Variants in TRIM33 observed in about 807,000 individuals in gnomAD.
TRIM33 encodes the protein E3 ubiquitin-protein ligase TRIM33.
In TRIM33, 20 loss-of-function variants were observed where a neutral mutation model predicts 125.4. That is an observed-to-expected ratio of 0.16 (90% confidence interval 0.11 to 0.23). The LOEUF is 0.23. Among genes scored for constraint, TRIM33 ranks in the 10% least tolerant of loss-of-function variants. The pLI is 1.00. For missense variants in TRIM33, 920 were observed against 1,411.4 expected (o/e 0.65, Z 5.58); for synonymous variants, 564 against 513.9 (o/e 1.10, Z -1.32).
At chr1:114,493,482 AC>A in intron 1 of TRIM33, among the ~76,000 whole-genome samples, 1 of 152,248 alleles carries the variant, frequency 6.6e-6, no homozygotes. Flanking sequence ...ACAGGATCTC[AC>A]TATGTTGCCC....
At chr1:114,414,030 C>G (rs1652771576) in intron 11 of TRIM33, among the ~76,000 whole-genome samples, 1 of 49,872 alleles carries the variant, frequency 2.0e-5, no homozygotes, top group African/African-American at 5.3e-5. Context: ...ATCACAGGCA[C>G]ACACACACAC....
chr1:114,451,746 A>C (rs1295145896), intron 4 of TRIM33, among the ~76,000 whole-genome samples: 1 of 152,254 alleles, frequency 6.6e-6, no homozygotes, highest in Non-Finnish European at 1.5e-5. Context: ...TACAATTCTC[A>C]GTGCTTGTAA....
rs550331758 is a variant in TRIM33, at chr1:114,508,617, C to A, written c.526+1934G>T. ...TATCCTCCCTACACCCCAGCCCTCACCCTCACCCCAGCCCTGCTTCAGTGT... is the reference window on the plus strand; with the variant it reads ...TATCCTCCCTACACCCCAGCCCTCAACCTCACCCCAGCCCTGCTTCAGTGT... On this transcript the variant is annotated intron_variant, in intron 1 of 19. Coordinates refer to ENST00000358465, the MANE Select transcript of TRIM33 (RefSeq NM_015906.4). 2.0e-5 allele frequency among the ~76,000 whole-genome samples: 3 copies of A among 152,234 alleles called. No individual in the cohort carries two copies. The East Asian group carries it at 5.8e-4, about 29-fold the overall frequency.
chr1:114,487,340 A>G (rs75557384), intron 1 of TRIM33, among the ~76,000 whole-genome samples: 1 of 111,204 alleles, frequency 9.0e-6, no homozygotes, highest in African/African-American at 3.3e-5. Context: ...CATGCAGGCC[A>G]AAAAAAAAAA....
At chr1:114,471,939 G>GA (rs1661305179) in intron 1 of TRIM33, among the ~76,000 whole-genome samples, 2 of 152,180 alleles carry the variant, frequency 1.3e-5, no homozygotes, top group South Asian at 4.2e-4. Context: ...CACATTTAGT[G>GA]AAAAAAACCT....
chr1:114,450,194 G>A (rs1184860233), intron 4 of TRIM33, among the ~76,000 whole-genome samples: 4 of 152,158 alleles, frequency 2.6e-5, no homozygotes, highest in African/African-American at 9.7e-5. Flanking sequence ...CAGGGGCAGA[G>A]GTTGCAGTGA....
intron 1 of TRIM33, among the ~76,000 whole-genome samples, chr1:114,479,400 T>G (rs1009261909): frequency 2.6e-5 from 4 of 151,950 alleles, no homozygotes; most frequent in Non-Finnish European, 4.4e-5. Context: ...GAAAAATAAT[T>G]CATCAAGGAA....
intron 1 of TRIM33, among the ~76,000 whole-genome samples, chr1:114,476,231 AC>A (rs1011217781): frequency 6.6e-6 from 1 of 151,724 alleles, no homozygotes; most frequent in Non-Finnish European, 1.5e-5. Context: ...AAAAAAAAAA[AC>A]CTTTCAATTA....
At chr1:114,464,866 G>T (rs1411940950) in intron 1 of TRIM33, among the ~76,000 whole-genome samples, 1 of 152,146 alleles carries the variant, frequency 6.6e-6, no homozygotes, top group Non-Finnish European at 1.5e-5. Flanking sequence ...GCACTTTATA[G>T]ATGAAGGAAG....
chr1:114,449,111 T>C (rs1251508445), intron 4 of TRIM33, among the ~76,000 whole-genome samples: 1 of 151,792 alleles, frequency 6.6e-6, no homozygotes, highest in East Asian at 1.9e-4. Context: ...TTATGGGTGA[T>C]GACATGAAAT....
At chr1:114,471,443 CA>C (rs34336957) in intron 1 of TRIM33, among the ~76,000 whole-genome samples, 235 of 99,986 alleles carry the variant, frequency 2.4e-3, no homozygotes, top group Middle Eastern at 6.0e-3. Context: ...GATTCTGTCT[CA>C]AAAAAAAAAA....
chr1:114,487,050 G>A (rs1315311560), intron 1 of TRIM33, among the ~76,000 whole-genome samples: 24 of 149,104 alleles, frequency 1.6e-4, no homozygotes, highest in African/African-American at 5.9e-4. Context: ...TCACGCCATT[G>A]CACACCAGCC....
At chr1:114,485,413 C>A (rs1427353091) in intron 1 of TRIM33, among the ~76,000 whole-genome samples, 1 of 152,090 alleles carries the variant, frequency 6.6e-6, no homozygotes, top group East Asian at 1.9e-4. Flanking sequence ...CCAGGCAAAT[C>A]ATCACTTCTT....
chr1:114,442,595 G>A (rs1648716613), intron 4 of TRIM33, among the ~76,000 whole-genome samples: 1 of 150,258 alleles, frequency 6.7e-6, no homozygotes, highest in African/African-American at 2.5e-5. Flanking sequence ...GGCTGAGGCA[G>A]GAGAATAGCT....
At chr1:114,441,707 T>G (rs1648665445) in intron 4 of TRIM33, among the ~76,000 whole-genome samples, 2 of 152,226 alleles carry the variant, frequency 1.3e-5, no homozygotes, top group South Asian at 4.1e-4. Flanking sequence ...CATGGGATAC[T>G]TCTCAACCCA....
intron 1 of TRIM33, chr1:114,468,568 A>G: frequency 2.5e-6 from 1 of 398,748 alleles, no homozygotes; most frequent in Non-Finnish European, 4.9e-6. Flanking sequence ...AAAGAAAAAA[A>G]CAAAAAAGAT....
Position 114,405,766 on chromosome 1 carries a change from C to A in TRIM33, c.2419-7G>T. 6.3e-7 allele frequency: 1 copy of A among 1,588,032 alleles called. No homozygotes were observed. Among genetic ancestry groups the A allele is most frequent in the Non-Finnish European group, 8.6e-7 (1 of 1,167,772 alleles). On this transcript the variant is annotated splice_polypyrimidine_tract_variant and splice_region_variant and intron_variant, in intron 14 of 19. Coordinates refer to ENST00000358465, the MANE Select transcript of TRIM33 (RefSeq NM_015906.4). The stretch of plus-strand genomic sequence containing the variant: ...TACTCTCAGGACTGCTCAACTAAAA[C>A]AAAACGATGACAAATTCTTGAAGAA...
At chr1:114,486,556 A>AC (rs1036082202) in intron 1 of TRIM33, among the ~76,000 whole-genome samples, 2 of 150,508 alleles carry the variant, frequency 1.3e-5, no homozygotes, top group African/African-American at 4.9e-5. Flanking sequence ...CAAAAAAAAA[A>AC]AAAAAAAAAA....
At chr1:114,459,972 G>A (rs1414610883) in intron 4 of TRIM33, 1 of 159,790 alleles carries the variant, frequency 6.3e-6, no homozygotes, top group East Asian at 1.7e-4. Flanking sequence ...ACTGAAGCAA[G>A]AACCACAAAA....
Sources: allele counts gnomAD v4.1 joint callset (sites outside exome capture counted in the v4.1 genomes callset), GRCh38; gene constraint gnomAD v4.1.1; transcripts MANE v1.5; gene names NCBI Gene and HGNC (gene_info 2026-07-23, HGNC 2026-07-21).